Variants in ARHGAP42 observed in about 807,000 individuals in gnomAD.
The protein encoded by ARHGAP42 is Rho GTPase activating protein 42, also known as rho GTPase-activating protein 42.
Under a neutral mutation model 125.0 loss-of-function variants are expected in ARHGAP42, and 63 were observed. The ratio of observed to expected loss-of-function variants is 0.50; its 90% CI spans 0.41 to 0.62. ARHGAP42 has a LOEUF of 0.62. Ranked by LOEUF, ARHGAP42 falls within the 20% of genes least tolerant of loss-of-function variation. The pLI is 0.00. For synonymous variants in ARHGAP42, 339 were observed against 351.0 expected (o/e 0.97, Z 0.38); for missense variants, 766 against 1,024.2 (o/e 0.75, Z 3.44).
chr11:100,968,536 T>C (rs1292741830), intron 17 of ARHGAP42, among the ~76,000 whole-genome samples: 4 of 152,188 alleles, frequency 2.6e-5, no homozygotes, highest in Admixed American at 6.5e-5. Flanking sequence ...ATAAACATGT[T>C]ATATCTATAT....
intron 1 of ARHGAP42, among the ~76,000 whole-genome samples, chr11:100,726,673 C>T (rs1591131026): frequency 6.6e-6 from 1 of 152,186 alleles, no homozygotes; most frequent in Non-Finnish European, 1.5e-5. Context: ...CTGTAATTTA[C>T]ATGGAGCACT....
chr11:100,858,670 GA>G (rs1865379608), intron 3 of ARHGAP42, among the ~76,000 whole-genome samples: 1 of 152,058 alleles, frequency 6.6e-6, no homozygotes, highest in Non-Finnish European at 1.5e-5. Context: ...TTTAAAGTAG[GA>G]TAATATATTT....
At chr11:100,908,136 G>T (rs1231086625) in intron 4 of ARHGAP42, among the ~76,000 whole-genome samples, 2 of 152,096 alleles carry the variant, frequency 1.3e-5, no homozygotes, top group African/African-American at 4.8e-5. Context: ...TTAAAATGAA[G>T]ATTTCTAATT....
At chr11:100,775,000 A>C (rs986905756) in intron 2 of ARHGAP42, among the ~76,000 whole-genome samples, 3 of 151,936 alleles carry the variant, frequency 2.0e-5, no homozygotes, top group African/African-American at 7.2e-5. Context: ...CTGAAGTTCC[A>C]AGCAGGGCAG....
chr11:100,936,565 A>G (rs1051697751), intron 8 of ARHGAP42, among the ~76,000 whole-genome samples: 1 of 152,200 alleles, frequency 6.6e-6, no homozygotes, highest in African/African-American at 2.4e-5. Context: ...ATACCATAAC[A>G]TGCGTTCAGT....
At chr11:100,794,075 C>CAAAAAAAAAAAAAAAAAAAAAAAAAAAA (rs869272420) in intron 2 of ARHGAP42, among the ~76,000 whole-genome samples, 1 of 44,844 alleles carries the variant, frequency 2.2e-5, no homozygotes, top group African/African-American at 7.0e-5. Flanking sequence ...GACCCTGTCT[C>CAAAAAAAAAAAAAAAAAAAAAAAAAAAA]AAAAAAAAAA....
At chr11:100,815,896 A>G (rs1475111823) in intron 3 of ARHGAP42, among the ~76,000 whole-genome samples, 2 of 152,132 alleles carry the variant, frequency 1.3e-5, no homozygotes, top group Non-Finnish European at 2.9e-5. Flanking sequence ...GTGGAATTAT[A>G]TAGTATTTGT....
chr11:100,825,506 G>C (rs899534326), intron 3 of ARHGAP42, among the ~76,000 whole-genome samples: 1 of 152,258 alleles, frequency 6.6e-6, no homozygotes, highest in Non-Finnish European at 1.5e-5. Context: ...ACCAGAATAA[G>C]CACTTTTACC....
chr11:100,851,718 G>A (rs551884247), intron 3 of ARHGAP42, among the ~76,000 whole-genome samples: 7 of 152,240 alleles, frequency 4.6e-5, no homozygotes, highest in South Asian at 4.2e-4. Context: ...TGACAAAATC[G>A]CCTAACGATC....
chr11:100,800,841 G>A (rs149269406), intron 3 of ARHGAP42, among the ~76,000 whole-genome samples: 14 of 152,212 alleles, frequency 9.2e-5, no homozygotes, highest in African/African-American at 3.1e-4. Flanking sequence ...CAAAATAAGC[G>A]CTGATCACAC....
Position 100,687,393 on chromosome 11 carries a change from C to A in ARHGAP42, c.-286C>A, listed in dbSNP as rs967035278. Among the ~76,000 whole-genome samples the A allele has an allele frequency of 2.0e-5, 3 of 152,000 alleles. No individual in the cohort carries two copies. Among genetic ancestry groups the A allele is most frequent in the Non-Finnish European group, 2.9e-5 (2 of 67,956 alleles). On this transcript the variant is annotated 5_prime_UTR_variant, in exon 1 of 24. Transcript: ENST00000298815. ...CCGGCCGCGGCCCGGAGCCTCGCCG[C>A]CCCCGCGTTCCGAACGACGATGCGT...
intron 3 of ARHGAP42, 127 bp from the exon 4 acceptor site, chr11:100,859,427 G>A (rs1865393485): frequency 1.4e-6 from 1 of 694,542 alleles, no homozygotes; most frequent in South Asian, 2.0e-5. Flanking sequence ...TAACATGTAA[G>A]TTGTTTTTAT....
Position 100,992,399 on chromosome 11 carries a change from A to G in ARHGAP42, c.*3598A>G, listed in dbSNP as rs760822741. Reference sequence around the variant, plus strand: ...CAGGCTTGACTATTGTCCAGAAGTTACTTTCCCCTTGACTAAAGGTTTCCC... The same window carrying G: ...CAGGCTTGACTATTGTCCAGAAGTTGCTTTCCCCTTGACTAAAGGTTTCCC... On this transcript the variant is annotated 3_prime_UTR_variant, in exon 24 of 24. Transcript: ENST00000298815. 6.8e-6 allele frequency: 11 copies of G among 1,614,000 alleles called. No homozygotes were observed. The highest frequency in any genetic ancestry group is 9.3e-6 in the Non-Finnish European group (11 of 1,179,978).
intron 3 of ARHGAP42, among the ~76,000 whole-genome samples, chr11:100,842,146 G>A (rs1383104938): frequency 6.6e-6 from 1 of 152,110 alleles, no homozygotes; most frequent in African/African-American, 2.4e-5. Flanking sequence ...GTTCTCACCC[G>A]AAAGGTTATG....
At position 100,733,942 on chromosome 11, in the gene ARHGAP42, T is replaced by TTG. The variant is rs1489878562; in HGVS notation, c.155-36400_155-36399insGT. On this transcript the variant is annotated intron_variant, in intron 1 of 23. Transcript: ENST00000298815. ...CCAAAGCAAAGTTGTTTTTTTTTTTTTTTTTTTTTTTAAATGGAGTCTAGC... is the reference window on the plus strand; with the variant it reads ...CCAAAGCAAAGTTGTTTTTTTTTTTTTGTTTTTTTTTTTAAATGGAGTCTAGC... Among the ~76,000 whole-genome samples, 505 of 139,856 alleles carry TTG rather than the reference T, an allele frequency of 3.6e-3. 3 individuals are homozygous for TTG. Among genetic ancestry groups the TTG allele is most frequent in the Middle Eastern group, 0.033 (9 of 274 alleles). 91.8% of individuals were successfully genotyped at this position (139,856 alleles called of 152,430 possible). A position where few individuals can be genotyped will look rare whatever the true frequency, so the allele number is the denominator to read the frequency against.
intron 1 of ARHGAP42, among the ~76,000 whole-genome samples, chr11:100,732,384 T>C (rs1264637610): frequency 6.6e-6 from 1 of 152,170 alleles, no homozygotes; most frequent in Non-Finnish European, 1.5e-5. Context: ...GATTGAATAG[T>C]TTTTGATAGT....
At chr11:100,942,449 A>C (rs989496499) in intron 9 of ARHGAP42, among the ~76,000 whole-genome samples, 8 of 152,176 alleles carry the variant, frequency 5.3e-5, no homozygotes, top group African/African-American at 9.7e-5. Flanking sequence ...ACTTTGTTTG[A>C]GGAAATGCTG....
intron 1 of ARHGAP42, among the ~76,000 whole-genome samples, chr11:100,739,452 C>A (rs1224470316): frequency 6.6e-6 from 1 of 151,984 alleles, no homozygotes; most frequent in Non-Finnish European, 1.5e-5. Context: ...GTAGATATAC[C>A]ATGCTTGTTT....
intron 4 of ARHGAP42, among the ~76,000 whole-genome samples, chr11:100,899,626 G>T (rs1866472112): frequency 1.3e-5 from 2 of 149,648 alleles, no homozygotes; most frequent in Admixed American, 1.3e-4. Context: ...TGATCTTGTT[G>T]GTTTAAAGTC....
Sources: gnomAD v4.1 joint callset for allele counts (sites outside exome capture counted in the v4.1 genomes callset) on GRCh38, gnomAD v4.1.1 for gene constraint, MANE v1.5 for transcripts, NCBI Gene and HGNC (gene_info 2026-07-23, HGNC 2026-07-21) for gene names.